NEK10: variants seen among roughly 807,000 people sequenced by gnomAD.
The protein encoded by NEK10 is NIMA related kinase 10, also known as serine/threonine-protein kinase Nek10.
NEK10 carries 122 observed loss-of-function variants against 159.8 expected under a neutral mutation model. The observed-to-expected ratio is 0.76, with a 90% CI of 0.66 to 0.89. NEK10 has a LOEUF of 0.89. Ranked by LOEUF, NEK10 falls within the 40% of genes least tolerant of loss-of-function variation. The pLI, the probability that NEK10 is intolerant of heterozygous loss-of-function variation, is 0.00. For synonymous variants in NEK10, 466 were observed against 457.1 expected (o/e 1.02, Z -0.25); for missense variants, 1,342 against 1,323.1 (o/e 1.01, Z -0.22).
intron 7 of NEK10, 31 bp downstream of exon 7, chr3:27,314,266 G>C: frequency 6.4e-7 from 1 of 1,556,738 alleles, no homozygotes; most frequent in Non-Finnish European, 8.8e-7. Context: ...AAATGAAAAG[G>C]CAAGACCAGC....
intron 25 of NEK10, among the ~76,000 whole-genome samples, chr3:27,199,072 C>CAAAAAAA (rs35333904): frequency 2.6e-5 from 2 of 77,770 alleles, no homozygotes; most frequent in African/African-American, 3.4e-5. Context: ...GACTCCATCT[C>CAAAAAAA]AAAAAAAAAA....
At chr3:27,174,011 T>C (rs1947268209) in intron 28 of NEK10, among the ~76,000 whole-genome samples, 1 of 152,200 alleles carries the variant, frequency 6.6e-6, no homozygotes, top group Admixed American at 6.5e-5. Flanking sequence ...TTTTATTGTT[T>C]TAAATGTAAC....
intron 30 of NEK10, among the ~76,000 whole-genome samples, chr3:27,151,344 A>G (rs1254403183): frequency 6.6e-6 from 1 of 151,490 alleles, no homozygotes; most frequent in African/African-American, 2.4e-5. Context: ...TGTGCAGAAA[A>G]CCCTCAGTAC....
intron 32 of NEK10, among the ~76,000 whole-genome samples, chr3:27,129,509 A>G (rs1381471639): frequency 6.6e-6 from 1 of 152,178 alleles, no homozygotes; most frequent in Non-Finnish European, 1.5e-5. Flanking sequence ...TTGCTATCAA[A>G]AGATTATACC....
intron 35 of NEK10, among the ~76,000 whole-genome samples, chr3:27,115,124 G>T (rs1175887782): frequency 6.6e-6 from 1 of 152,122 alleles, no homozygotes; most frequent in African/African-American, 2.4e-5. Context: ...CTTAAACAAT[G>T]ACTGATGGAG....
chr3:27,151,258 G>A lies in NEK10; in HGVS notation c.2870-9676C>T, dbSNP rs536613038. Among the ~76,000 whole-genome samples, 6 of 152,020 alleles carry A rather than the reference G, an allele frequency of 3.9e-5. No individual in the cohort carries two copies. The South Asian group carries it at 8.3e-4, about 21-fold the overall frequency. On this transcript the variant is annotated intron_variant, in intron 30 of 35. Transcript: ENST00000691995. ...CCTTATGGAGTCCATTGCAACCCCC[G>A]CCCCACCACCTCCACCAGAACAGGC...
At chr3:27,355,102 A>C (rs1479850197) in intron 1 of NEK10, among the ~76,000 whole-genome samples, 1 of 152,194 alleles carries the variant, frequency 6.6e-6, no homozygotes, top group Non-Finnish European at 1.5e-5. Flanking sequence ...ATGAAGGTAA[A>C]GGATCTTTGC....
Position 27,141,483 on chromosome 3 carries a change from T to A in NEK10, c.2969A>T (p.Gln990Leu), listed in dbSNP as rs1458201564. The change falls in exon 31 of 36, where the codon CAG (glutamine) becomes CTG (leucine). Residue 990 changes from glutamine to leucine, a missense_variant and splice_region_variant. Coordinates refer to ENST00000691995, the MANE Select transcript of NEK10 (RefSeq NM_001394966.1). ...IQLHKIIYIT[Q>L]LPPALHHNLK... ...GAAATAAAAAGCTAGAACACTGACC[T>A]GTGTGATATAGATTATTTTGTGCAG... 6.2e-7 allele frequency: 1 copy of A among 1,601,992 alleles called. No homozygotes were observed. Among genetic ancestry groups the A allele is most frequent in the Non-Finnish European group, 8.5e-7 (1 of 1,172,066 alleles).
At chr3:27,205,741 A>C (rs1950490291) in intron 23 of NEK10, among the ~76,000 whole-genome samples, 1 of 130,764 alleles carries the variant, frequency 7.6e-6, no homozygotes, top group Non-Finnish European at 1.6e-5. Flanking sequence ...GTTAGACCTA[A>C]AACCATAAAA....
intron 1 of NEK10, among the ~76,000 whole-genome samples, chr3:27,363,350 T>A (rs2048820843): frequency 1.3e-5 from 2 of 152,218 alleles, no homozygotes; most frequent in South Asian, 4.1e-4. Flanking sequence ...TGTAAACTAG[T>A]CAAGCATATG....
At chr3:27,357,967 C>T (rs1482204815) in intron 1 of NEK10, among the ~76,000 whole-genome samples, 1 of 152,142 alleles carries the variant, frequency 6.6e-6, no homozygotes, top group African/African-American at 2.4e-5. Context: ...TGGGGTTCTG[C>T]ATACAGTTTC....
At chr3:27,279,361 G>T (rs145623902) in intron 22 of NEK10, among the ~76,000 whole-genome samples, 1 of 152,012 alleles carries the variant, frequency 6.6e-6, no homozygotes, top group African/African-American at 2.4e-5. Context: ...ACATAACAAG[G>T]CTGCCCCTCT....
chr3:27,117,377 G>T (rs1940619859), intron 33 of NEK10, among the ~76,000 whole-genome samples: 1 of 152,136 alleles, frequency 6.6e-6, no homozygotes, highest in South Asian at 2.1e-4. Context: ...GGTATTTCTG[G>T]TTCTAGGTCT....
chr3:27,273,766 A>G (rs530838756), intron 22 of NEK10, among the ~76,000 whole-genome samples: 3 of 152,164 alleles, frequency 2.0e-5, no homozygotes, highest in African/African-American at 7.2e-5. Flanking sequence ...CAGCTCATTT[A>G]CCACTCTACT....
intron 3 of NEK10, among the ~76,000 whole-genome samples, chr3:27,348,249 T>C (rs12637322): frequency 0.33 from 49,528 of 151,910 alleles, 10,134 homozygotes; most frequent in East Asian, 0.74. Context: ...TTAGTACAAC[T>C]CCTAGAAAAG....
At chr3:27,132,778 G>C (rs1006134531) in intron 31 of NEK10, among the ~76,000 whole-genome samples, 1 of 152,122 alleles carries the variant, frequency 6.6e-6, no homozygotes, top group Non-Finnish European at 1.5e-5. Flanking sequence ...GGGTCTCAGA[G>C]TGGAAATAAT....
intron 32 of NEK10, 45 bp downstream of exon 32, chr3:27,131,835 T>A (rs1240571072): frequency 9.6e-7 from 1 of 1,043,124 alleles, no homozygotes; most frequent in Non-Finnish European, 1.5e-6. Flanking sequence ...CCTCTTATGA[T>A]GTGGTTTTGT....
chr3:27,127,481 G>A (rs769382478), intron 32 of NEK10, among the ~76,000 whole-genome samples: 11 of 152,112 alleles, frequency 7.2e-5, no homozygotes, highest in Non-Finnish European at 1.2e-4. Context: ...AGGAGCAATA[G>A]GAGCCTATTG....
chr3:27,247,820 C>CTTTT (rs111440414), intron 23 of NEK10, among the ~76,000 whole-genome samples: 7 of 125,894 alleles, frequency 5.6e-5, no homozygotes, highest in East Asian at 4.6e-4. Flanking sequence ...CTTTTCTTTT[C>CTTTT]TTTTTTTTTT....
Sources: allele counts gnomAD v4.1 joint callset (sites outside exome capture counted in the v4.1 genomes callset), GRCh38; gene constraint gnomAD v4.1.1; transcripts MANE v1.5; gene names NCBI Gene and HGNC (gene_info 2026-07-23, HGNC 2026-07-21).